SEPTIN10: variants seen among roughly 807,000 people sequenced by gnomAD.
SEPTIN10 encodes septin-10.
SEPTIN10 carries 66 observed loss-of-function variants against 54.8 expected under a neutral mutation model. The ratio of observed to expected loss-of-function variants is 1.21; its 90% CI spans 0.99 to 1.48. The LOEUF is 1.48. Ranked by LOEUF, SEPTIN10 falls within the 40% of genes most tolerant of loss-of-function variation. The probability of loss-of-function intolerance (pLI) is 0.00; values close to 1 mark genes in which losing one functional copy is unlikely to be tolerated. For missense variants in SEPTIN10, 620 were observed against 545.6 expected, an observed-to-expected ratio of 1.14 and a Z score of -1.36; for synonymous variants, 161 against 181.0, an observed-to-expected ratio of 0.89 and a Z score of 0.89.
At chr2:109,545,676 C>T (rs1053926144) in intron 10 of SEPTIN10, 50 of 1,467,374 alleles carry the variant, frequency 3.4e-5, no homozygotes, top group Non-Finnish European at 4.4e-5. Context: ...TTTATTTAGA[C>T]ATGAAATTCA....
intron 4 of SEPTIN10, among the ~76,000 whole-genome samples, chr2:109,578,006 T>C (rs1690134914): frequency 6.6e-6 from 1 of 151,970 alleles, no homozygotes; most frequent in South Asian, 2.1e-4. Context: ...CATTTCATTG[T>C]CTATTTGTAT....
chr2:109,543,841 G>T lies in SEPTIN10; in HGVS notation c.*468C>A, dbSNP rs1680500366. The T allele has an allele frequency of 7.3e-6, 2 of 272,518 alleles. No homozygotes were observed. Among genetic ancestry groups the T allele is most frequent in the African/African-American group, 4.5e-5 (2 of 44,520 alleles). 16.9% of individuals were successfully genotyped at this position (272,518 alleles called of 1,614,324 possible). On this transcript the variant is annotated 3_prime_UTR_variant, in exon 11 of 11. Transcript: ENST00000397712. The stretch of plus-strand genomic sequence containing the variant: ...TTATCCAAAATGCTAGGGACCAGAA[G>T]TGTTTTGGATTTCAGGTTTGGAATA...
At chr2:109,578,355 C>G (rs1690209715) in intron 4 of SEPTIN10, among the ~76,000 whole-genome samples, 2 of 152,102 alleles carry the variant, frequency 1.3e-5, no homozygotes, top group Non-Finnish European at 2.9e-5. Flanking sequence ...ACCAAACATA[C>G]ATAGGAAAGC....
At chr2:109,584,010 G>A (rs1172071346) in intron 4 of SEPTIN10, among the ~76,000 whole-genome samples, 3 of 152,272 alleles carry the variant, frequency 2.0e-5, no homozygotes, top group Admixed American at 1.3e-4. Context: ...AAGATACCCG[G>A]TAAAGGCTGA....
At chr2:109,558,169 A>C (rs974866602) in intron 8 of SEPTIN10, among the ~76,000 whole-genome samples, 4 of 152,206 alleles carry the variant, frequency 2.6e-5, no homozygotes, top group African/African-American at 9.7e-5. Flanking sequence ...AAAGAGAAAG[A>C]AAGAAAAAAA....
At chr2:109,613,614 A>G (rs1222894498) in intron 1 of SEPTIN10, 184 bp downstream of exon 1, 2 of 331,008 alleles carry the variant, frequency 6.0e-6, no homozygotes, top group African/African-American at 4.4e-5. Flanking sequence ...CAGGCTCCGC[A>G]GAGGCTCCTC....
chr2:109,554,974 G>A lies in SEPTIN10; in HGVS notation c.1029-1755C>T, dbSNP rs544542032. Among the ~76,000 whole-genome samples the A allele has an allele frequency of 7.2e-5, 11 of 152,222 alleles. No individual in the cohort carries two copies. In the East Asian group the frequency reaches 1.4e-3, roughly 19 times the overall value. ...CCATTAGTTCAGCTTCTGAAGCTAA[G>A]TCTCCTAATATAACCTTCTTTCCAT... is the stretch of plus-strand genomic sequence containing the variant. On this transcript the variant is annotated intron_variant, in intron 8 of 10. Coordinates refer to ENST00000397712, the MANE Select transcript of SEPTIN10 (RefSeq NM_144710.5).
intron 8 of SEPTIN10, among the ~76,000 whole-genome samples, chr2:109,558,822 A>G (rs1264821350): frequency 6.6e-6 from 1 of 152,226 alleles, no homozygotes; most frequent in East Asian, 1.9e-4. Flanking sequence ...GACAGATTTT[A>G]CATGCCAACC....
At chr2:109,545,735 G>T in intron 10 of SEPTIN10, 1 of 1,431,624 alleles carries the variant, frequency 7.0e-7, no homozygotes, top group East Asian at 2.5e-5. Flanking sequence ...CTAGGGCCAC[G>T]GCTGGGCTAT....
At chr2:109,599,499 G>C (rs1251524646) in intron 1 of SEPTIN10, among the ~76,000 whole-genome samples, 2 of 150,092 alleles carry the variant, frequency 1.3e-5, no homozygotes, top group African/African-American at 2.4e-5. Flanking sequence ...AAATTACCAA[G>C]AGTGAGCAAG....
chr2:109,613,153 T>C (rs1161427484), intron 1 of SEPTIN10: 4 of 1,288,094 alleles, frequency 3.1e-6, no homozygotes, highest in South Asian at 2.5e-5. Context: ...ACCTTGGTAC[T>C]ATTAACGAAA....
chr2:109,569,925 C>T (rs1465070445), intron 5 of SEPTIN10, among the ~76,000 whole-genome samples: 2 of 151,974 alleles, frequency 1.3e-5, no homozygotes, highest in African/African-American at 4.8e-5. Context: ...CTGGAGGTGG[C>T]CTGGGGAGTG....
chr2:109,613,952 C>T lies in SEPTIN10; in HGVS notation c.-125G>A. On this transcript the variant is annotated 5_prime_UTR_variant, in exon 1 of 11. Transcript: ENST00000397712. Reference sequence around the variant, plus strand: ...GCGGGGCGCGAGGCTAGGCTGCCTCCGCGACGGGGAAGGGACAGGGGCGGG... The same window carrying T: ...GCGGGGCGCGAGGCTAGGCTGCCTCTGCGACGGGGAAGGGACAGGGGCGGG... 8.4e-7 allele frequency: 1 copy of T among 1,191,950 alleles called. No individual in the cohort carries two copies. The highest frequency in any genetic ancestry group is 1.0e-6 in the Non-Finnish European group (1 of 962,168). 73.8% of individuals were successfully genotyped at this position (1,191,950 alleles called of 1,614,324 possible).
intron 10 of SEPTIN10, chr2:109,545,514 A>C (rs758977195): frequency 6.5e-7 from 1 of 1,536,126 alleles, no homozygotes; most frequent in South Asian, 1.2e-5. Context: ...ACATCAATGC[A>C]CAGGAGTTCG....
At chr2:109,571,544 T>G (rs1327276548) in intron 5 of SEPTIN10, among the ~76,000 whole-genome samples, 1 of 152,198 alleles carries the variant, frequency 6.6e-6, no homozygotes, top group Non-Finnish European at 1.5e-5. Flanking sequence ...TGTGTATATC[T>G]AAACATATCT....
At chr2:109,545,270 C>A (rs532484249) in intron 10 of SEPTIN10, 483 of 1,401,616 alleles carry the variant, frequency 3.4e-4, no homozygotes, top group Non-Finnish European at 4.3e-4. Context: ...GTTAAACCGA[C>A]AGGGATACTT....
intron 5 of SEPTIN10, among the ~76,000 whole-genome samples, chr2:109,569,323 C>T (rs932296241): frequency 2.0e-5 from 3 of 151,592 alleles, no homozygotes; most frequent in Non-Finnish European, 2.9e-5. Context: ...CCCAGCTACT[C>T]GGTAGGCTGC....
At chr2:109,548,177 C>CA (rs36031306) in intron 9 of SEPTIN10, among the ~76,000 whole-genome samples, 1,757 of 145,588 alleles carry the variant, frequency 0.012, 13 homozygotes, top group Non-Finnish European at 0.019. Flanking sequence ...TGGCTTACCT[C>CA]AAAAAAAAAA....
intron 5 of SEPTIN10, among the ~76,000 whole-genome samples, chr2:109,571,619 A>G (rs994913285): frequency 1.3e-5 from 2 of 152,200 alleles, no homozygotes; most frequent in African/African-American, 4.8e-5. Flanking sequence ...CCACCATTCT[A>G]TATTTGGTCC....
Sources: gnomAD v4.1 joint callset for allele counts (sites outside exome capture counted in the v4.1 genomes callset) on GRCh38, gnomAD v4.1.1 for gene constraint, MANE v1.5 for transcripts, NCBI Gene and HGNC (gene_info 2026-07-23, HGNC 2026-07-21) for gene names.